SPAG16: variants seen among roughly 807,000 people sequenced by gnomAD.
SPAG16 encodes sperm-associated antigen 16 protein.
In SPAG16, 86 loss-of-function variants were observed where a neutral mutation model predicts 80.4. The observed-to-expected ratio is 1.07, with a 90% CI of 0.90 to 1.28. The LOEUF is 1.28. Ranked by LOEUF, SPAG16 falls within the 50% of genes most tolerant of loss-of-function variation. The pLI is 0.00. For synonymous variants in SPAG16, 294 were observed against 265.9 expected, an observed-to-expected ratio of 1.11 and a Z score of -1.03; for missense variants, 870 against 765.3, an observed-to-expected ratio of 1.14 and a Z score of -1.61.
Position 213,916,313 on chromosome 2 carries a change from G to A in SPAG16, c.1215-13647G>A, listed in dbSNP as rs192099933. ...GTATAAGGTGTAAGGAAGGGATCCAGTTTCACTTCTCTGCATATGGCTAGC... is the reference window on the plus strand; with the variant it reads ...GTATAAGGTGTAAGGAAGGGATCCAATTTCACTTCTCTGCATATGGCTAGC... On this transcript the variant is annotated intron_variant, in intron 11 of 15. Coordinates refer to ENST00000331683, the MANE Select transcript of SPAG16 (RefSeq NM_024532.5). Among the ~76,000 whole-genome samples the A allele has an allele frequency of 1.1e-4, 16 of 152,264 alleles. No individual in the cohort carries two copies. The East Asian group carries it at 3.1e-3, about 29-fold the overall frequency.
At chr2:214,041,976 G>GTATATATATATA (rs1412300296) in intron 13 of SPAG16, among the ~76,000 whole-genome samples, 7 of 88,266 alleles carry the variant, frequency 7.9e-5, no homozygotes, top group African/African-American at 3.8e-4. Flanking sequence ...GTGTCTGTGT[G>GTATATATATATA]TGTATATATA....
At position 213,607,818 on chromosome 2, in the gene SPAG16, T is replaced by C. The variant is rs75999479; in HGVS notation, c.1070+117728T>C. Among the ~76,000 whole-genome samples, 13 of 152,338 alleles carry C rather than the reference T, an allele frequency of 8.5e-5. No individual in the cohort carries two copies. In the East Asian group the frequency reaches 2.1e-3, roughly 25 times the overall value. ...TGCAGGGAATACTTGTTTTCTTCTC[T>C]GGAGAAAGTTGATAATTTGTCAGGT... is the stretch of plus-strand genomic sequence containing the variant. On this transcript the variant is annotated intron_variant, in intron 10 of 15. Transcript: ENST00000331683.
intron 15 of SPAG16, among the ~76,000 whole-genome samples, chr2:214,210,734 A>G (rs998228733): frequency 1.3e-5 from 2 of 152,134 alleles, no homozygotes; most frequent in Non-Finnish European, 2.9e-5. Context: ...AGAAACATGT[A>G]TAACTCAACA....
intron 10 of SPAG16, among the ~76,000 whole-genome samples, chr2:213,617,702 A>G (rs2061646422): frequency 6.6e-6 from 1 of 152,110 alleles, no homozygotes; most frequent in Non-Finnish European, 1.5e-5. Flanking sequence ...AGTCCTAGCT[A>G]CTGGGGAGGC....
In SPAG16 at chr2:213,853,930, G is replaced by T. The variant is rs562952022; in HGVS notation, c.1071-8555G>T. Among the ~76,000 whole-genome samples, 342 of 152,250 alleles carry T rather than the reference G, an allele frequency of 2.2e-3. 1 individual carries two copies. Among genetic ancestry groups the T allele is most frequent in the Non-Finnish European group, 3.8e-3 (260 of 68,024 alleles). ...CTATCTTCAGCTCCGCATGCCCAGGGTCTAAAATGAGCTTTTCCCCCAAGA... is the reference window on the plus strand; with the variant it reads ...CTATCTTCAGCTCCGCATGCCCAGGTTCTAAAATGAGCTTTTCCCCCAAGA... On this transcript the variant is annotated intron_variant, in intron 10 of 15. Transcript: ENST00000331683.
chr2:213,957,106 T>C (rs1294642754), intron 12 of SPAG16, among the ~76,000 whole-genome samples: 3 of 152,098 alleles, frequency 2.0e-5, no homozygotes, highest in Non-Finnish European at 4.4e-5. Context: ...TAGCTGCTGG[T>C]ATGTTGAGTG....
At chr2:213,978,676 C>G (rs547674584) in intron 12 of SPAG16, among the ~76,000 whole-genome samples, 2 of 152,190 alleles carry the variant, frequency 1.3e-5, no homozygotes, top group African/African-American at 4.8e-5. Flanking sequence ...CTTTGAGTAG[C>G]TGAGCTAGGT....
intron 12 of SPAG16, among the ~76,000 whole-genome samples, chr2:213,978,353 C>A (rs577810229): frequency 6.6e-6 from 1 of 152,212 alleles, no homozygotes; most frequent in African/African-American, 2.4e-5. Context: ...CAAGAATATT[C>A]TTTCCTCAAA....
intron 10 of SPAG16, among the ~76,000 whole-genome samples, chr2:213,605,072 G>T (rs1415885390): frequency 1.3e-5 from 2 of 150,962 alleles, no homozygotes; most frequent in Non-Finnish European, 2.9e-5. Flanking sequence ...AGTTTTTATT[G>T]ATTGATTGAT....
intron 9 of SPAG16, among the ~76,000 whole-genome samples, chr2:213,467,564 A>G (rs779267042): frequency 2.0e-5 from 3 of 152,140 alleles, no homozygotes; most frequent in Non-Finnish European, 4.4e-5. Flanking sequence ...GGAGGAGGGG[A>G]GGCCTGGACT....
At chr2:213,447,506 G>T (rs578035007) in intron 9 of SPAG16, among the ~76,000 whole-genome samples, 1 of 152,172 alleles carries the variant, frequency 6.6e-6, no homozygotes, top group Non-Finnish European at 1.5e-5. Context: ...TCCTTTATGG[G>T]ACTCCAATTG....
intron 10 of SPAG16, among the ~76,000 whole-genome samples, chr2:213,811,898 G>A (rs1450968208): frequency 1.3e-5 from 2 of 152,050 alleles, no homozygotes; most frequent in Admixed American, 6.6e-5. Flanking sequence ...TGGATGACAC[G>A]GGTACACTCA....
At chr2:213,492,488 T>C (rs2074295426) in intron 10 of SPAG16, among the ~76,000 whole-genome samples, 1 of 151,840 alleles carries the variant, frequency 6.6e-6, no homozygotes, top group South Asian at 2.1e-4. Context: ...AGGTGGAGCT[T>C]GCAGTGAGCC....
chr2:213,427,234 C>A (rs2069990859), intron 9 of SPAG16, among the ~76,000 whole-genome samples: 1 of 152,116 alleles, frequency 6.6e-6, no homozygotes, highest in Non-Finnish European at 1.5e-5. Context: ...ACTCAAGTTG[C>A]TCATCCTTAA....
At chr2:213,966,554 C>A (rs1275524084) in intron 12 of SPAG16, among the ~76,000 whole-genome samples, 1 of 152,098 alleles carries the variant, frequency 6.6e-6, no homozygotes, top group Non-Finnish European at 1.5e-5. Flanking sequence ...TAAAAAACAT[C>A]TGCCAAGGTG....
intron 15 of SPAG16, among the ~76,000 whole-genome samples, chr2:214,213,537 A>G (rs182008418): frequency 1.4e-4 from 21 of 152,270 alleles, no homozygotes; most frequent in African/African-American, 5.1e-4. Context: ...CTATAGCATT[A>G]TTGTTGACAT....
chr2:214,059,200 A>G (rs2050108266), intron 13 of SPAG16, among the ~76,000 whole-genome samples: 2 of 106,222 alleles, frequency 1.9e-5, no homozygotes, highest in Non-Finnish European at 3.7e-5. Context: ...ATATATATAT[A>G]TATATATATA....
intron 13 of SPAG16, among the ~76,000 whole-genome samples, chr2:214,028,239 T>C (rs900468938): frequency 2.0e-5 from 3 of 152,034 alleles, no homozygotes; most frequent in African/African-American, 7.2e-5. Context: ...TGAAATGACA[T>C]AGAATAACAA....
At chr2:214,245,915 T>C (rs995796509) in intron 15 of SPAG16, among the ~76,000 whole-genome samples, 1 of 152,152 alleles carries the variant, frequency 6.6e-6, no homozygotes, top group African/African-American at 2.4e-5. Context: ...AATGAATAAA[T>C]AATCAAATGC....
Sources: allele counts gnomAD v4.1 joint callset (sites outside exome capture counted in the v4.1 genomes callset), GRCh38; gene constraint gnomAD v4.1.1; transcripts MANE v1.5; gene names NCBI Gene and HGNC (gene_info 2026-07-23, HGNC 2026-07-21).